The following BCAS4 variants were observed in gnomAD, a reference collection of about 807,000 sequenced individuals.
The protein encoded by BCAS4 is breast carcinoma-amplified sequence 4.
A neutral mutation model predicts 15.7 loss-of-function variants in BCAS4; 9 were observed. The observed-to-expected ratio is 0.57, with a 90% CI of 0.34 to 1.00. The LOEUF (loss-of-function observed/expected upper bound fraction) is 1.00. Among genes scored for constraint, BCAS4 ranks in the 50% least tolerant of loss-of-function variants. The pLI is 0.02. For missense variants in BCAS4, 225 were observed against 239.1 expected (o/e 0.94, Z 0.39); for synonymous variants, 101 against 99.5 (o/e 1.02, Z -0.09).
intron 1 of BCAS4, among the ~76,000 whole-genome samples, chr20:50,804,705 G>A (rs1261947365): frequency 1.3e-5 from 2 of 152,162 alleles, no homozygotes; most frequent in Non-Finnish European, 2.9e-5. Context: ...TAACCTTCCT[G>A]GAAGTCAGGG....
intron 3 of BCAS4, among the ~76,000 whole-genome samples, chr20:50,841,526 A>G (rs62205169): frequency 0.19 from 28,440 of 152,034 alleles, 4,157 homozygotes; most frequent in African/African-American, 0.41. Flanking sequence ...AATGGAGGCT[A>G]AGAACAGGGT....
At chr20:50,809,405 C>T (rs1018478029) in intron 1 of BCAS4, among the ~76,000 whole-genome samples, 14 of 152,054 alleles carry the variant, frequency 9.2e-5, no homozygotes, top group Non-Finnish European at 1.9e-4. Flanking sequence ...GACGTGGTTT[C>T]ACCATGTTGG....
At chr20:50,830,154 C>T (rs3746425) in intron 2 of BCAS4, 125 bp from the exon 3 acceptor site, 36,727 of 747,810 alleles carry the variant, frequency 0.049, 1,053 homozygotes, top group African/African-American at 0.095. Context: ...GCCTGTATTG[C>T]GCAGGATGCC....
At chr20:50,849,186 G>A (rs1004764600) in intron 4 of BCAS4, among the ~76,000 whole-genome samples, 3 of 152,220 alleles carry the variant, frequency 2.0e-5, no homozygotes, top group Non-Finnish European at 2.9e-5. Flanking sequence ...GTTTTCTGCC[G>A]CCAAAACATC....
chr20:50,839,224 G>C (rs550945349), intron 3 of BCAS4, among the ~76,000 whole-genome samples: 1 of 152,344 alleles, frequency 6.6e-6, no homozygotes, highest in East Asian at 1.9e-4. Flanking sequence ...CCCCACCTCT[G>C]CTGCCTTTAG....
chr20:50,804,100 G>A (rs941335610), intron 1 of BCAS4, among the ~76,000 whole-genome samples: 5 of 152,088 alleles, frequency 3.3e-5, no homozygotes, highest in South Asian at 2.1e-4. Flanking sequence ...GTATAATGGC[G>A]CGATCTCAGC....
rs548066008 is a variant in BCAS4, at chr20:50,842,229, A to C, written c.399+329A>C. On this transcript the variant is annotated intron_variant, in intron 4 of 4. Coordinates refer to ENST00000371608, the MANE Select transcript of BCAS4 (RefSeq NM_198799.4). The stretch of plus-strand genomic sequence containing the variant: ...GACAGTGCCCAGGATGACATCTAGA[A>C]TTCCGGCCAGGTTGCCCTTCCTGAG... Among the ~76,000 whole-genome samples the C allele has an allele frequency of 2.6e-5, 4 of 152,234 alleles. No individual in the cohort carries two copies. In the East Asian group the frequency reaches 7.7e-4, roughly 29 times the overall value.
intron 4 of BCAS4, among the ~76,000 whole-genome samples, chr20:50,871,716 C>T (rs1979654846): frequency 1.3e-5 from 2 of 152,232 alleles, no homozygotes; most frequent in African/African-American, 2.4e-5. Context: ...GGTTCATTCT[C>T]AGGCGGGCCC....
At chr20:50,872,968 G>A (rs1165048921) in intron 4 of BCAS4, among the ~76,000 whole-genome samples, 4 of 152,222 alleles carry the variant, frequency 2.6e-5, no homozygotes, top group African/African-American at 9.6e-5. Flanking sequence ...CTTTCTGAGT[G>A]CACGGGAAGC....
chr20:50,872,303 G>T (rs1478516943), intron 4 of BCAS4, among the ~76,000 whole-genome samples: 1 of 145,296 alleles, frequency 6.9e-6, no homozygotes, highest in Non-Finnish European at 1.5e-5. Context: ...GGGCATGGTG[G>T]CTCACGCCTG....
At chr20:50,871,465 C>A (rs1055641289) in intron 4 of BCAS4, among the ~76,000 whole-genome samples, 1 of 152,218 alleles carries the variant, frequency 6.6e-6, no homozygotes, top group Non-Finnish European at 1.5e-5. Flanking sequence ...CTGATTCAGG[C>A]GGCTGGTTTC....
At chr20:50,809,057 C>T (rs541942998) in intron 1 of BCAS4, among the ~76,000 whole-genome samples, 1 of 152,238 alleles carries the variant, frequency 6.6e-6, no homozygotes, top group African/African-American at 2.4e-5. Context: ...ATGTGGCTAG[C>T]CAATTATCCC....
chr20:50,880,285 C>A (rs778309932), downstream of BCAS4: 3 of 152,218 alleles, frequency 2.0e-5, no homozygotes, highest in African/African-American at 7.2e-5. Context: ...CGGGACACTG[C>A]GCCCTGCCAT....
chr20:50,841,377 A>G (rs1301567751), intron 3 of BCAS4, among the ~76,000 whole-genome samples: 2 of 152,192 alleles, frequency 1.3e-5, no homozygotes, highest in African/African-American at 4.8e-5. Flanking sequence ...ATTTCTATAA[A>G]ATCAACTTTT....
At chr20:50,853,375 CCT>C (rs1978552805) in intron 4 of BCAS4, among the ~76,000 whole-genome samples, 1 of 151,964 alleles carries the variant, frequency 6.6e-6, no homozygotes, top group African/African-American at 2.4e-5. Flanking sequence ...GAACTCTTGA[CCT>C]CAAGTTATCT....
intron 2 of BCAS4, among the ~76,000 whole-genome samples, chr20:50,829,138 G>A (rs139802670): frequency 1.1e-4 from 16 of 152,256 alleles, no homozygotes; most frequent in Non-Finnish European, 1.8e-4. Context: ...CTATTCCAAC[G>A]TTGCCTCAGA....
intron 1 of BCAS4, among the ~76,000 whole-genome samples, chr20:50,795,567 G>A (rs919692424): frequency 2.1e-5 from 3 of 140,720 alleles, no homozygotes; most frequent in East Asian, 4.0e-4. Context: ...GCGCTGCGCT[G>A]CTGCAGCTCG....
At chr20:50,874,643 G>A (rs1979832553) in intron 4 of BCAS4, among the ~76,000 whole-genome samples, 1 of 152,202 alleles carries the variant, frequency 6.6e-6, no homozygotes, top group Non-Finnish European at 1.5e-5. Context: ...TTGCCGGCTG[G>A]TGGACAGATG....
chr20:50,840,548 T>C lies in BCAS4; in HGVS notation c.265-1218T>C, dbSNP rs111679293. 2,114 of 1,497,428 alleles carry C rather than the reference T, an allele frequency of 1.4e-3. 25 individuals carry two copies. In the African/African-American group the frequency reaches 0.025, roughly 17 times the overall value. The allele number at this position is 1,497,428 out of a possible 1,614,324, so 92.8% of individuals were successfully genotyped here. A position where few individuals can be genotyped will look rare whatever the true frequency, so the allele number is the denominator to read the frequency against. On this transcript the variant is annotated intron_variant, in intron 3 of 4. Transcript: ENST00000371608. Reference sequence around the variant, plus strand: ...TTTGCATCTTACAGAGTTAAACAGCTAAAAGAAGTAAAATAAGAAGGCAAT... The same window carrying C: ...TTTGCATCTTACAGAGTTAAACAGCCAAAAGAAGTAAAATAAGAAGGCAAT...
Sources: allele counts gnomAD v4.1 joint callset (sites outside exome capture counted in the v4.1 genomes callset), GRCh38; gene constraint gnomAD v4.1.1; transcripts MANE v1.5; gene names NCBI Gene and HGNC (gene_info 2026-07-23, HGNC 2026-07-21).